The following GXYLT1 variants were observed in gnomAD, a reference collection of about 807,000 sequenced individuals.
GXYLT1 encodes the protein glucoside xylosyltransferase 1, also known as glycosyltransferase 8 domain containing 3.
A neutral mutation model predicts 54.0 loss-of-function variants in GXYLT1; 29 were observed. The ratio of observed to expected loss-of-function variants is 0.54; its 90% confidence interval spans 0.40 to 0.73. The LOEUF (loss-of-function observed/expected upper bound fraction) is 0.73, where lower values mean the gene tolerates loss of function less well. Ranked by LOEUF, GXYLT1 falls within the 30% of genes least tolerant of loss-of-function variation. The pLI, the probability that GXYLT1 is intolerant of heterozygous loss-of-function variation, is 0.00. For synonymous variants in GXYLT1, 176 were observed against 204.1 expected (o/e 0.86, Z 1.17); for missense variants, 490 against 553.4 (o/e 0.89, Z 1.15).
intron 3 of GXYLT1, among the ~76,000 whole-genome samples, chr12:42,115,182 T>C (rs2065485992): frequency 6.6e-6 from 1 of 152,180 alleles, no homozygotes. Context: ...TCATACTGAA[T>C]GGGCAAAAAC....
chr12:42,139,733 C>T (rs1592129642), intron 1 of GXYLT1, among the ~76,000 whole-genome samples: 2 of 152,322 alleles, frequency 1.3e-5, no homozygotes, highest in South Asian at 2.1e-4. Context: ...CACTATGATC[C>T]TTCAATGACC....
chr12:42,110,201 T>C (rs2065444941), intron 3 of GXYLT1, among the ~76,000 whole-genome samples: 1 of 152,318 alleles, frequency 6.6e-6, no homozygotes, highest in Admixed American at 6.5e-5. Flanking sequence ...CCAATGCCAA[T>C]TTTTTAAAAA....
chr12:42,098,131 CCA>C (rs1475257050), intron 5 of GXYLT1, 98 bp from the exon 6 acceptor site: 20 of 1,155,832 alleles, frequency 1.7e-5, no homozygotes, highest in Non-Finnish European at 2.4e-5. Context: ...CATTACAAAT[CCA>C]CAAAGAGAAA....
intron 3 of GXYLT1, 29 bp from the exon 4 acceptor site, chr12:42,109,720 G>C (rs1344408745): frequency 7.3e-7 from 1 of 1,362,992 alleles, no homozygotes; most frequent in Admixed American, 2.3e-5. Flanking sequence ...AAACTGTTTA[G>C]TTTCACTCTG....
chr12:42,091,100 A>C (rs991755301), intron 7 of GXYLT1, among the ~76,000 whole-genome samples: 1 of 152,208 alleles, frequency 6.6e-6, no homozygotes, highest in East Asian at 1.9e-4. Context: ...TCTGAATACA[A>C]TTCTTTTAAA....
chr12:42,116,175 C>T (rs1007850722), intron 3 of GXYLT1, among the ~76,000 whole-genome samples: 16 of 151,766 alleles, frequency 1.1e-4, no homozygotes, highest in African/African-American at 3.9e-4. Context: ...ACCATAAAAA[C>T]CCTAGAAGAA....
At chr12:42,094,190 T>TA (rs979033239) in intron 7 of GXYLT1, among the ~76,000 whole-genome samples, 2 of 151,626 alleles carry the variant, frequency 1.3e-5, no homozygotes, top group Admixed American at 1.3e-4. Flanking sequence ...CTCATCTCTA[T>TA]AAAAAATACA....
At chr12:42,092,951 C>G (rs550016542) in intron 7 of GXYLT1, among the ~76,000 whole-genome samples, 8 of 152,162 alleles carry the variant, frequency 5.3e-5, no homozygotes, top group Admixed American at 3.3e-4. Flanking sequence ...GGGCTGCATG[C>G]GGCCCACTGG....
chr12:42,119,008 T>G lies in GXYLT1; in HGVS notation c.478A>C (p.Lys160Gln). Reference sequence around the variant, plus strand: ...ATGTCTCAAATACTTACTCTGCCTTTAAAGCTATGATGTAGCTGATCTTCA... The same window carrying G: ...ATGTCTCAAATACTTACTCTGCCTTGAAAGCTATGATGTAGCTGATCTTCA... Reference protein sequence around the residue: ...FAEDQLHHSFKGRLDNWSFLQ... With the variant: ...FAEDQLHHSFQGRLDNWSFLQ... The change falls in exon 3 of 8, where the codon AAA (lysine) becomes CAA (glutamine). Residue 160 changes from lysine to glutamine, a missense_variant. This residue lies in a region of GXYLT1 where 342 missense variants were observed against 342.6 expected (regional missense o/e 1.00). Transcript: ENST00000398675. 1 of 1,612,766 alleles carries G rather than the reference T, an allele frequency of 6.2e-7. No individual in the cohort carries two copies. Among genetic ancestry groups the G allele is most frequent in the Non-Finnish European group, 8.5e-7 (1 of 1,178,804 alleles).
intron 6 of GXYLT1, 70 bp downstream of exon 6, chr12:42,097,840 A>G: frequency 2.5e-6 from 3 of 1,187,760 alleles, no homozygotes; most frequent in Non-Finnish European, 2.4e-6. Flanking sequence ...AGATAAGTGC[A>G]TGTTTTCCTT....
rs139733794 is a variant in GXYLT1 at position 42,127,287 on chromosome 12, G to C, written c.314+2472C>G. On this transcript the variant is annotated intron_variant, in intron 2 of 7. Coordinates refer to ENST00000398675, the MANE Select transcript of GXYLT1 (RefSeq NM_173601.2). ...TAGGGTGATTAAATGTGAGGGAATC[G>C]TTAGTTCTAAATAAGAAACTAAGTT... 2.8e-3 allele frequency among the ~76,000 whole-genome samples: 430 copies of C among 152,240 alleles called. 1 individual carries two copies. The highest frequency in any genetic ancestry group is 9.2e-3 in the African/African-American group (384 of 41,540).
chr12:42,087,579 C>T lies in GXYLT1; in HGVS notation c.*207G>A, dbSNP rs779724117. The T allele has an allele frequency of 4.2e-6, 2 of 477,528 alleles. No homozygotes were observed. Among genetic ancestry groups the T allele is most frequent in the Non-Finnish European group, 7.4e-6 (2 of 271,672 alleles). The allele number at this position is 477,528 out of a possible 1,614,324, so 29.6% of individuals were successfully genotyped here. A position where few individuals can be genotyped will look rare whatever the true frequency, so the allele number is the denominator to read the frequency against. ...GATAGCAAGTAACATTACAAAACAT[C>T]AGAGATAAAAAATGTTCAATGTTGA... On this transcript the variant is annotated 3_prime_UTR_variant, in exon 8 of 8. Coordinates refer to ENST00000398675, the MANE Select transcript of GXYLT1 (RefSeq NM_173601.2).
chr12:42,091,397 TTAATTCTC>T (rs1199596061), intron 7 of GXYLT1, among the ~76,000 whole-genome samples: 1 of 151,988 alleles, frequency 6.6e-6, no homozygotes, highest in Admixed American at 6.6e-5. Flanking sequence ...CCAGGGAAAC[TTAATTCTC>T]TAATAGTAGA....
At chr12:42,105,736 T>A (rs61942483) in intron 5 of GXYLT1, 82 bp downstream of exon 5, 537,521 of 969,900 alleles carry the variant, frequency 0.55, 151,536 homozygotes, top group South Asian at 0.71. Context: ...TCAATTTAGT[T>A]TTTAATAAAA....
At chr12:42,095,158 A>T (rs561560255) in intron 7 of GXYLT1, among the ~76,000 whole-genome samples, 84 of 152,350 alleles carry the variant, frequency 5.5e-4, no homozygotes, top group African/African-American at 1.8e-3. Flanking sequence ...TACTCTGTTG[A>T]CGAGGATGTG....
intron 7 of GXYLT1, among the ~76,000 whole-genome samples, chr12:42,096,335 G>T (rs1197812025): frequency 6.6e-6 from 1 of 151,910 alleles, no homozygotes; most frequent in African/African-American, 2.4e-5. Flanking sequence ...AAATAAACCT[G>T]GAATATTTTG....
chr12:42,144,356 C>T, intron 1 of GXYLT1, 70 bp downstream of exon 1: 2 of 1,047,428 alleles, frequency 1.9e-6, no homozygotes, highest in Non-Finnish European at 2.5e-6. Flanking sequence ...GGCGAGCAGC[C>T]CGGGCTAGGC....
chr12:42,122,653 G>A (rs2065538120), intron 2 of GXYLT1, among the ~76,000 whole-genome samples: 1 of 151,990 alleles, frequency 6.6e-6, no homozygotes, highest in African/African-American at 2.4e-5. Context: ...TAAGAAGAGG[G>A]AACTCTTCTT....
At chr12:42,099,293 C>A (rs1414456188) in intron 5 of GXYLT1, among the ~76,000 whole-genome samples, 2 of 152,156 alleles carry the variant, frequency 1.3e-5, no homozygotes, top group Non-Finnish European at 1.5e-5. Context: ...TGAGAAAGAA[C>A]CCCTGGAGTC....
Sources: gnomAD v4.1 joint callset for allele counts (sites outside exome capture counted in the v4.1 genomes callset) on GRCh38, gnomAD v4.1.1 for gene constraint, gnomAD v4.1.1 regional missense constraint, MANE v1.5 for transcripts, NCBI Gene and HGNC (gene_info 2026-07-23, HGNC 2026-07-21) for gene names.